PPHLN1: variants seen among roughly 807,000 people sequenced by gnomAD.
The protein encoded by PPHLN1 is periphilin 1, also known as periphilin-1.
PPHLN1 carries 29 observed loss-of-function variants against 51.3 expected under a neutral mutation model. The ratio of observed to expected loss-of-function variants is 0.57; its 90% CI spans 0.42 to 0.77. PPHLN1 has a LOEUF of 0.77. PPHLN1 is among the 30% of genes least tolerant of loss of function. PPHLN1 has a pLI of 0.00. For synonymous variants in PPHLN1, 147 were observed against 147.8 expected (o/e 0.99, Z 0.04); for missense variants, 436 against 438.4 (o/e 0.99, Z 0.05).
At chr12:42,436,274 T>C (rs2082474085) in intron 9 of PPHLN1, among the ~76,000 whole-genome samples, 1 of 144,552 alleles carries the variant, frequency 6.9e-6, no homozygotes, top group Admixed American at 7.0e-5. Context: ...TACATTGTCT[T>C]AAAGCACACT....
chr12:42,396,981 T>C (rs1592707291), intron 8 of PPHLN1, among the ~76,000 whole-genome samples: 1 of 147,172 alleles, frequency 6.8e-6, no homozygotes, highest in South Asian at 2.1e-4. Context: ...GAGGCTGCAG[T>C]GAGCTGTGAC....
intron 1 of PPHLN1, among the ~76,000 whole-genome samples, chr12:42,331,272 G>A (rs574776531): frequency 1.3e-5 from 2 of 152,312 alleles, no homozygotes; most frequent in South Asian, 4.1e-4. Context: ...TTTATCCTGA[G>A]TGTATTTAAT....
intron 4 of PPHLN1, among the ~76,000 whole-genome samples, chr12:42,365,712 T>C (rs1293582115): frequency 6.6e-6 from 1 of 152,196 alleles, no homozygotes; most frequent in Non-Finnish European, 1.5e-5. Flanking sequence ...TTTGCGTCTT[T>C]TATATGCCAG....
chr12:42,370,347 A>T (rs1203548383), intron 4 of PPHLN1, among the ~76,000 whole-genome samples: 2 of 152,212 alleles, frequency 1.3e-5, no homozygotes, highest in African/African-American at 4.8e-5. Flanking sequence ...TTTGCCCCAG[A>T]GGATCAGTAA....
At chr12:42,339,370 A>AT (rs796821899) in intron 2 of PPHLN1, among the ~76,000 whole-genome samples, 88 of 146,394 alleles carry the variant, frequency 6.0e-4, no homozygotes, top group South Asian at 4.3e-3. Flanking sequence ...ACTCAGGTGC[A>AT]TTTTTTTTTT....
At chr12:42,357,715 T>C (rs2074200917) in intron 4 of PPHLN1, among the ~76,000 whole-genome samples, 1 of 152,204 alleles carries the variant, frequency 6.6e-6, no homozygotes, top group African/African-American at 2.4e-5. Context: ...TTAGCTTAAT[T>C]GTTTTTATTT....
At chr12:42,348,806 G>C (rs2072759920) in intron 2 of PPHLN1, among the ~76,000 whole-genome samples, 1 of 149,898 alleles carries the variant, frequency 6.7e-6, no homozygotes, top group Non-Finnish European at 1.5e-5. Flanking sequence ...TACTAATTTT[G>C]GCTTAATGTC....
At chr12:42,357,579 T>C (rs746102716) in intron 4 of PPHLN1, among the ~76,000 whole-genome samples, 1 of 152,192 alleles carries the variant, frequency 6.6e-6, no homozygotes, top group Non-Finnish European at 1.5e-5. Flanking sequence ...GAAGCTGATA[T>C]ATCCAAATAA....
intron 2 of PPHLN1, chr12:42,347,317 G>A (rs1017682836): frequency 1.3e-5 from 2 of 152,058 alleles, no homozygotes; most frequent in Admixed American, 6.6e-5. Flanking sequence ...TGGAGGTTCC[G>A]AACATTTCAG....
At chr12:42,448,360 T>A, downstream of PPHLN1, 2 of 54,936 alleles carry the variant, frequency 3.6e-5, no homozygotes. Flanking sequence ...TCTATTTGAT[T>A]TTTTTTTTTT....
At chr12:42,362,165 T>C (rs2074766417) in intron 4 of PPHLN1, among the ~76,000 whole-genome samples, 1 of 152,202 alleles carries the variant, frequency 6.6e-6, no homozygotes, top group Admixed American at 6.5e-5. Flanking sequence ...TCATTTCTTG[T>C]GCTTATTGTT....
intron 8 of PPHLN1, among the ~76,000 whole-genome samples, chr12:42,395,235 T>TA (rs1052071166): frequency 1.3e-5 from 2 of 151,888 alleles, no homozygotes; most frequent in Admixed American, 6.6e-5. Flanking sequence ...TAAATAACCC[T>TA]AAAAAAAATC....
intron 9 of PPHLN1, among the ~76,000 whole-genome samples, chr12:42,400,855 CTG>C (rs2078781861): frequency 2.6e-5 from 4 of 151,454 alleles, no homozygotes; most frequent in Admixed American, 2.6e-4. Flanking sequence ...TGGCTATACT[CTG>C]TATGCTGTTC....
chr12:42,341,511 T>G (rs1178465484), intron 2 of PPHLN1, among the ~76,000 whole-genome samples: 1 of 152,226 alleles, frequency 6.6e-6, no homozygotes, highest in Non-Finnish European at 1.5e-5. Flanking sequence ...TACTTTGGTT[T>G]TGATGTTAAA....
At chr12:42,428,080 T>C (rs2139804948) in intron 9 of PPHLN1, among the ~76,000 whole-genome samples, 1 of 152,292 alleles carries the variant, frequency 6.6e-6, no homozygotes, top group East Asian at 1.9e-4. Context: ...CCTGCAAGAA[T>C]GGCCGTAATC....
At chr12:42,419,941 T>C (rs905107756) in intron 9 of PPHLN1, among the ~76,000 whole-genome samples, 1 of 152,220 alleles carries the variant, frequency 6.6e-6, no homozygotes, top group Non-Finnish European at 1.5e-5. Flanking sequence ...AGGAGAATGA[T>C]TGTTGCTGCT....
intron 5 of PPHLN1, among the ~76,000 whole-genome samples, chr12:42,378,092 CTTTCTTTCTTT>C (rs2076436256): frequency 3.8e-4 from 1 of 2,604 alleles, no homozygotes; most frequent in African/African-American, 9.5e-4. Context: ...CTATCTTTCT[CTTTCTTTCTTT>C]CTTTCTTTCT....
chr12:42,418,924 A>G (rs2139657850), intron 9 of PPHLN1, among the ~76,000 whole-genome samples: 1 of 152,336 alleles, frequency 6.6e-6, no homozygotes, highest in Middle Eastern at 3.4e-3. Context: ...CTTTCTAAGT[A>G]TTAAGTGCTT....
At chr12:42,381,024 G>A (rs1196998300) in intron 5 of PPHLN1, among the ~76,000 whole-genome samples, 1 of 152,192 alleles carries the variant, frequency 6.6e-6, no homozygotes. Flanking sequence ...CATCTGAAGG[G>A]TTAGTAGAAG....
Sources: gnomAD v4.1 joint callset for allele counts (sites outside exome capture counted in the v4.1 genomes callset) on GRCh38, gnomAD v4.1.1 for gene constraint, MANE v1.5 for transcripts, NCBI Gene and HGNC (gene_info 2026-07-23, HGNC 2026-07-21) for gene names.